AGBL4: variants seen among roughly 807,000 people sequenced by gnomAD.
The protein encoded by AGBL4 is AGBL carboxypeptidase 4, also known as cytosolic carboxypeptidase 6.
In AGBL4, 58 loss-of-function variants were observed where a neutral mutation model predicts 66.4. The ratio of observed to expected loss-of-function variants is 0.87; its 90% confidence interval spans 0.71 to 1.09. The LOEUF is 1.09. Among genes scored for constraint, AGBL4 ranks in the 50% least tolerant of loss-of-function variants. AGBL4 has a pLI of 0.00. For synonymous variants in AGBL4, 234 were observed against 222.9 expected (o/e 1.05, Z -0.44); for missense variants, 579 against 631.0 (o/e 0.92, Z 0.88).
chr1:49,501,825 CAA>C (rs1367762020), intron 3 of AGBL4, among the ~76,000 whole-genome samples: 1 of 151,930 alleles, frequency 6.6e-6, no homozygotes, highest in Non-Finnish European at 1.5e-5. Context: ...TTATTTGTCT[CAA>C]GATATAGTTT....
intron 2 of AGBL4, among the ~76,000 whole-genome samples, chr1:49,756,686 T>C (rs984563825): frequency 2.0e-5 from 3 of 152,178 alleles, no homozygotes; most frequent in African/African-American, 7.2e-5. Context: ...CTCACGATAG[T>C]GAGTAAGTTC....
chr1:49,436,609 G>GC (rs1645909133), intron 3 of AGBL4, among the ~76,000 whole-genome samples: 1 of 152,132 alleles, frequency 6.6e-6, no homozygotes, highest in Admixed American at 6.5e-5. Context: ...GATTGGGAAT[G>GC]CAAGAACAAA....
At chr1:48,824,878 G>C (rs1239522854) in intron 6 of AGBL4, among the ~76,000 whole-genome samples, 3 of 152,190 alleles carry the variant, frequency 2.0e-5, no homozygotes, top group Non-Finnish European at 4.4e-5. Context: ...GTGACTGGCT[G>C]ACCTGGAATC....
intron 12 of AGBL4, among the ~76,000 whole-genome samples, chr1:48,537,949 C>T (rs2148257310): frequency 6.6e-6 from 1 of 152,286 alleles, no homozygotes; most frequent in Non-Finnish European, 1.5e-5. Context: ...CTGTCAGGGG[C>T]CTGGTATAAA....
At chr1:49,803,582 T>C (rs908857100) in intron 2 of AGBL4, among the ~76,000 whole-genome samples, 1 of 152,220 alleles carries the variant, frequency 6.6e-6, no homozygotes, top group African/African-American at 2.4e-5. Flanking sequence ...TAGCCAGCTC[T>C]GTGATCTTGA....
intron 6 of AGBL4, among the ~76,000 whole-genome samples, chr1:48,692,604 T>A (rs1275059048): frequency 6.6e-6 from 1 of 152,168 alleles, no homozygotes; most frequent in Non-Finnish European, 1.5e-5. Flanking sequence ...AAATCCTGAT[T>A]CTATCCATGT....
chr1:48,617,136 A>G (rs1645332679), intron 9 of AGBL4, among the ~76,000 whole-genome samples: 1 of 152,256 alleles, frequency 6.6e-6, no homozygotes, highest in African/African-American at 2.4e-5. Context: ...ATTGCACAGC[A>G]TGATGGATTC....
rs1466099671 is a variant in AGBL4, at chr1:49,802,996, G to T, written c.157+48400C>A. Among the ~76,000 whole-genome samples, 7 of 151,696 alleles carry T rather than the reference G, an allele frequency of 4.6e-5. No individual in the cohort carries two copies. In the South Asian group the frequency reaches 6.2e-4, roughly 13 times the overall value. ...TAGTATCTGCTTTACAATTTCAAAA[G>T]AACCTTCATAAGTTAAATTTCATTA... On this transcript the variant is annotated intron_variant, in intron 2 of 13. Transcript: ENST00000371839.
chr1:49,469,058 ACAGTGATG>A (rs1336805137), intron 3 of AGBL4, among the ~76,000 whole-genome samples: 1 of 151,812 alleles, frequency 6.6e-6, no homozygotes, highest in Admixed American at 6.6e-5. Flanking sequence ...ATTACCAACC[ACAGTGATG>A]CATGTTTATA....
intron 1 of AGBL4, among the ~76,000 whole-genome samples, chr1:49,918,089 G>A (rs951576563): frequency 2.2e-4 from 34 of 152,310 alleles, no homozygotes; most frequent in African/African-American, 8.2e-4. Context: ...AAAGGAGTGT[G>A]TAGAGGGTAA....
chr1:48,584,266 T>G (rs1344933201), intron 11 of AGBL4: 1 of 152,130 alleles, frequency 6.6e-6, no homozygotes, highest in East Asian at 1.9e-4. Context: ...AGATCAAACT[T>G]CTTACATCTT....
intron 4 of AGBL4, among the ~76,000 whole-genome samples, chr1:49,220,693 G>T: frequency 6.6e-6 from 1 of 152,146 alleles, no homozygotes; most frequent in Non-Finnish European, 1.5e-5. Flanking sequence ...TTACTCTGCA[G>T]TTCTCAGAGA....
At chr1:49,536,307 G>A (rs1033216126) in intron 3 of AGBL4, among the ~76,000 whole-genome samples, 14 of 152,132 alleles carry the variant, frequency 9.2e-5, no homozygotes, top group Non-Finnish European at 1.8e-4. Context: ...GGAATTCTGT[G>A]TTGCTTGAGA....
At chr1:48,645,160 C>T (rs1167700378) in intron 8 of AGBL4, among the ~76,000 whole-genome samples, 3 of 152,192 alleles carry the variant, frequency 2.0e-5, no homozygotes, top group Non-Finnish European at 1.5e-5. Flanking sequence ...GTGGGTTAGA[C>T]ACCTGATTAC....
intron 3 of AGBL4, among the ~76,000 whole-genome samples, chr1:49,295,776 G>A (rs965174445): frequency 6.6e-6 from 1 of 152,072 alleles, no homozygotes; most frequent in African/African-American, 2.4e-5. Context: ...CACTCCCCAG[G>A]ACTCTATTTA....
chr1:49,307,342 C>CA (rs1192732010), intron 3 of AGBL4, among the ~76,000 whole-genome samples: 2 of 151,980 alleles, frequency 1.3e-5, no homozygotes, highest in African/African-American at 4.8e-5. Context: ...AAAACAAAAA[C>CA]AAAAAACAAA....
intron 1 of AGBL4, among the ~76,000 whole-genome samples, chr1:49,909,953 GC>G (rs924583666): frequency 7.9e-5 from 12 of 152,122 alleles, no homozygotes; most frequent in Admixed American, 3.3e-4. Context: ...TGTTTGGGAA[GC>G]CTATTAGATA....
intron 3 of AGBL4, among the ~76,000 whole-genome samples, chr1:49,598,183 G>T (rs570283349): frequency 6.6e-6 from 1 of 152,122 alleles, no homozygotes; most frequent in Non-Finnish European, 1.5e-5. Flanking sequence ...TTTGAGATAC[G>T]TTCCATCATC....
At chr1:48,884,585 C>T (rs1421699307) in intron 5 of AGBL4, among the ~76,000 whole-genome samples, 2 of 152,102 alleles carry the variant, frequency 1.3e-5, no homozygotes, top group African/African-American at 2.4e-5. Flanking sequence ...TCCATTGCTT[C>T]CTTGAATATT....
Sources: gnomAD v4.1 joint callset for allele counts (sites outside exome capture counted in the v4.1 genomes callset) on GRCh38, gnomAD v4.1.1 for gene constraint, MANE v1.5 for transcripts, NCBI Gene and HGNC (gene_info 2026-07-23, HGNC 2026-07-21) for gene names.